Variants in TTC39C observed in about 807,000 individuals in gnomAD.
The protein encoded by TTC39C is tetratricopeptide repeat domain 39C.
Under a neutral mutation model 76.3 loss-of-function variants are expected in TTC39C, and 33 were observed. The ratio of observed to expected loss-of-function variants is 0.43; its 90% CI spans 0.33 to 0.58. The LOEUF is 0.58. TTC39C is among the 20% of genes least tolerant of loss of function. The pLI is 0.04. For synonymous variants in TTC39C, 254 were observed against 260.6 expected, an observed-to-expected ratio of 0.97 and a Z score of 0.24; for missense variants, 595 against 701.4, an observed-to-expected ratio of 0.85 and a Z score of 1.71.
intron 6 of TTC39C, among the ~76,000 whole-genome samples, chr18:24,109,267 G>A (rs570060817): frequency 6.6e-6 from 1 of 151,660 alleles, no homozygotes; most frequent in Admixed American, 6.6e-5. Flanking sequence ...GAGGTGGGAG[G>A]ATTGCTTGAG....
intron 1 of TTC39C, among the ~76,000 whole-genome samples, chr18:24,024,863 TTTTTGTTTG>T: frequency 6.6e-6 from 1 of 151,726 alleles, no homozygotes; most frequent in East Asian, 1.9e-4. Context: ...AAATAGTTGG[TTTTTGTTTG>T]TTTTTGTTTG....
intron 10 of TTC39C, among the ~76,000 whole-genome samples, chr18:24,128,207 C>T (rs967183376): frequency 6.6e-6 from 1 of 152,168 alleles, no homozygotes; most frequent in Non-Finnish European, 1.5e-5. Flanking sequence ...AATGAATGAA[C>T]AAGTGAGTGA....
intron 1 of TTC39C, among the ~76,000 whole-genome samples, chr18:24,044,795 C>G (rs1475142551): frequency 6.6e-6 from 1 of 152,188 alleles, no homozygotes; most frequent in African/African-American, 2.4e-5. Context: ...GCAGTGTCTT[C>G]TAATATTTGT....
At chr18:24,019,661 C>T (rs763427548) in intron 1 of TTC39C, among the ~76,000 whole-genome samples, 1 of 152,204 alleles carries the variant, frequency 6.6e-6, no homozygotes, top group African/African-American at 2.4e-5. Flanking sequence ...TCCATATAAT[C>T]CAGGAGTTGG....
intron 1 of TTC39C, chr18:24,006,575 G>T (rs1391705401): frequency 1.3e-5 from 2 of 150,916 alleles, no homozygotes; most frequent in Non-Finnish European, 3.0e-5. Context: ...TAATGCTATC[G>T]GGGCGGGGGC....
intron 4 of TTC39C, among the ~76,000 whole-genome samples, chr18:24,077,966 A>T (rs887421080): frequency 3.3e-5 from 5 of 152,236 alleles, no homozygotes; most frequent in Admixed American, 6.5e-5. Context: ...GGAAAAAGTC[A>T]TTGAGCCTCT....
chr18:24,052,360 C>T (rs569396747), intron 1 of TTC39C, among the ~76,000 whole-genome samples: 3 of 152,052 alleles, frequency 2.0e-5, no homozygotes, highest in African/African-American at 4.8e-5. Flanking sequence ...AGCACTGGGC[C>T]GGCTGTGTAC....
intron 6 of TTC39C, among the ~76,000 whole-genome samples, chr18:24,084,457 C>T (rs2084416808): frequency 1.3e-5 from 2 of 152,144 alleles, no homozygotes; most frequent in Admixed American, 1.3e-4. Context: ...TGCACTCCAG[C>T]CTGGGTGACA....
chr18:24,010,188 C>T (rs1188963873), upstream of TTC39C, among the ~76,000 whole-genome samples: 3 of 152,208 alleles, frequency 2.0e-5, no homozygotes, highest in African/African-American at 7.2e-5. Context: ...GATTTATGGA[C>T]AGAAGAAAGT....
intron 1 of TTC39C, among the ~76,000 whole-genome samples, chr18:24,061,964 T>C (rs1271075063): frequency 6.6e-6 from 1 of 152,114 alleles, no homozygotes; most frequent in Non-Finnish European, 1.5e-5. Context: ...TAACAGCAAG[T>C]GATGTGCAGC....
Position 24,083,029 on chromosome 18 carries a change from A to G in TTC39C, c.932A>G (p.Tyr311Cys). The G allele has an allele frequency of 1.2e-6, 2 of 1,614,146 alleles. No individual in the cohort carries two copies. Among genetic ancestry groups the G allele is most frequent in the African/African-American group, 1.3e-5 (1 of 75,048 alleles). ...KEILLKKEAAYPNSSLFMFFK... is the reference protein window; with the variant it reads ...KEILLKKEAACPNSSLFMFFK... ...ATTCTCCTTAAAAAAGAAGCTGCTT[A>G]TCCAAATTCTTCCCTCTTTATGTTT... is the stretch of plus-strand genomic sequence containing the variant. The change falls in exon 6 of 14, where the codon TAT becomes TGT. Residue 311 changes from tyrosine to cysteine, a missense_variant. By Grantham distance (194) the Tyr-to-Cys change is radical. Coordinates refer to ENST00000317571, the MANE Select transcript of TTC39C (RefSeq NM_001135993.2).
At chr18:24,006,477 G>C (rs889006572) in intron 1 of TTC39C, 32 of 150,340 alleles carry the variant, frequency 2.1e-4, no homozygotes, top group African/African-American at 7.1e-4. Context: ...CTTCGGTTGG[G>C]GTAGATCATC....
At chr18:24,034,236 A>C (rs1345758765) in intron 1 of TTC39C, among the ~76,000 whole-genome samples, 1 of 152,248 alleles carries the variant, frequency 6.6e-6, no homozygotes, top group Admixed American at 6.5e-5. Context: ...CAAACTTCAT[A>C]AGGAGTGTCA....
intron 10 of TTC39C, 175 bp downstream of exon 10, chr18:24,125,725 A>ACAGGATT: frequency 1.3e-6 from 1 of 749,332 alleles, no homozygotes; most frequent in Non-Finnish European, 2.1e-6. Flanking sequence ...CACTTAGGTG[A>ACAGGATT]TGGGAGGAGG....
chr18:24,098,511 C>T, intron 6 of TTC39C, among the ~76,000 whole-genome samples: 1 of 68,112 alleles, frequency 1.5e-5, no homozygotes, highest in African/African-American at 7.2e-5. Flanking sequence ...CTCTCCTCTC[C>T]CCTCCCCTCC....
At chr18:24,099,005 A>ATGTGTGTGTGTGTGTG (rs71373362) in intron 6 of TTC39C, among the ~76,000 whole-genome samples, 65 of 130,752 alleles carry the variant, frequency 5.0e-4, no homozygotes, top group Middle Eastern at 3.8e-3. Context: ...AGTTAGAGGA[A>ATGTGTGTGTGTGTGTG]TGTGTGTGTG....
intron 7 of TTC39C, among the ~76,000 whole-genome samples, chr18:24,116,808 T>G (rs951063793): frequency 4.0e-5 from 6 of 150,362 alleles, no homozygotes; most frequent in African/African-American, 1.5e-4. Context: ...TAGCTACCTC[T>G]TGATACCTTA....
intron 1 of TTC39C, among the ~76,000 whole-genome samples, chr18:24,031,465 G>A (rs2083669910): frequency 6.6e-6 from 1 of 152,150 alleles, no homozygotes; most frequent in Non-Finnish European, 1.5e-5. Flanking sequence ...TTCTTCCGGG[G>A]CTCTCAGGCT....
At chr18:24,118,272 G>C (rs769604873) in intron 8 of TTC39C, 40 bp downstream of exon 8, 2 of 1,532,470 alleles carry the variant, frequency 1.3e-6, no homozygotes, top group Non-Finnish European at 1.8e-6. Flanking sequence ...TCTCTCTGTC[G>C]TGAATTAGCT....
Sources: allele counts gnomAD v4.1 joint callset (sites outside exome capture counted in the v4.1 genomes callset), GRCh38; gene constraint gnomAD v4.1.1; transcripts MANE v1.5; gene names NCBI Gene and HGNC (gene_info 2026-07-23, HGNC 2026-07-21).